The following DNAJC6 variants were observed in gnomAD, a reference collection of about 807,000 sequenced individuals.
DNAJC6 encodes the protein DnaJ heat shock protein family (Hsp40) member C6.
Under a neutral mutation model 110.0 loss-of-function variants are expected in DNAJC6, and 34 were observed. The observed-to-expected ratio is 0.31, with a 90% CI of 0.24 to 0.41. The LOEUF is 0.41. Ranked by LOEUF, DNAJC6 falls within the 10% of genes least tolerant of loss-of-function variation. The pLI is 1.00. For missense variants in DNAJC6, 1,031 were observed against 1,207.8 expected, an observed-to-expected ratio of 0.85 and a Z score of 2.17; for synonymous variants, 406 against 437.2, an observed-to-expected ratio of 0.93 and a Z score of 0.89.
At chr1:65,374,583 T>C (rs930595155) in intron 4 of DNAJC6, among the ~76,000 whole-genome samples, 1 of 152,196 alleles carries the variant, frequency 6.6e-6, no homozygotes, top group Non-Finnish European at 1.5e-5. Context: ...TTCAGATTGT[T>C]GGCTGTTAGT....
At chr1:65,308,753 T>G (rs1645067577), upstream of DNAJC6, among the ~76,000 whole-genome samples, 1 of 152,186 alleles carries the variant, frequency 6.6e-6, no homozygotes, top group Non-Finnish European at 1.5e-5. Context: ...ACTGAAACAG[T>G]CTTTTCTCCA....
At chr1:65,389,518 T>C in intron 10 of DNAJC6, 29 bp from the exon 11 acceptor site, 1 of 1,613,908 alleles carries the variant, frequency 6.2e-7, no homozygotes, top group Non-Finnish European at 8.5e-7. Context: ...TGTGTCTCAT[T>C]GATGCTACAT....
intron 1 of DNAJC6, among the ~76,000 whole-genome samples, chr1:65,336,531 C>T (rs918337265): frequency 1.3e-5 from 2 of 152,254 alleles, no homozygotes; most frequent in Non-Finnish European, 2.9e-5. Context: ...AACCCATGTC[C>T]CCATTACTCA....
At chr1:65,356,119 A>G (rs1246482894) in intron 1 of DNAJC6, among the ~76,000 whole-genome samples, 1 of 152,054 alleles carries the variant, frequency 6.6e-6, no homozygotes, top group East Asian at 1.9e-4. Flanking sequence ...GCCTTCTGTA[A>G]TGCCTAACCT....
intron 1 of DNAJC6, among the ~76,000 whole-genome samples, chr1:65,353,107 G>C (rs1645507464): frequency 6.6e-6 from 1 of 152,118 alleles, no homozygotes; most frequent in African/African-American, 2.4e-5. Context: ...CTGTTCCAGG[G>C]TGGTAATTAA....
intron 1 of DNAJC6, among the ~76,000 whole-genome samples, chr1:65,347,756 TACACACAC>T: frequency 6.6e-6 from 1 of 151,712 alleles, no homozygotes; most frequent in East Asian, 1.9e-4. Flanking sequence ...CGTGCACACA[TACACACAC>T]ACACAAAAAT....
At chr1:65,271,497 G>C (rs1653502750) in intron 1 of DNAJC6, among the ~76,000 whole-genome samples, 1 of 152,010 alleles carries the variant, frequency 6.6e-6, no homozygotes, top group African/African-American at 2.4e-5. Flanking sequence ...ACACACAAGT[G>C]AGATCATATG....
chr1:65,411,113 G>A (rs1646124733), intron 17 of DNAJC6, 137 bp from the exon 18 acceptor site: 1 of 728,808 alleles, frequency 1.4e-6, no homozygotes, highest in Non-Finnish European at 2.1e-6. Flanking sequence ...TCCAGGTAGA[G>A]GAAACAGCCT....
chr1:65,324,712 G>T (rs1376343414), intron 1 of DNAJC6, among the ~76,000 whole-genome samples: 1 of 152,172 alleles, frequency 6.6e-6, no homozygotes, highest in Non-Finnish European at 1.5e-5. Context: ...GTAAGGCAGT[G>T]GTTGTCAATG....
chr1:65,363,730 A>G (rs1320265819), intron 1 of DNAJC6, among the ~76,000 whole-genome samples: 2 of 152,154 alleles, frequency 1.3e-5, no homozygotes, highest in Non-Finnish European at 2.9e-5. Flanking sequence ...GCACAGGGAC[A>G]ACCCCCTCAA....
rs576686234 is a variant in DNAJC6 at position 65,343,951 on chromosome 1, C to T, written c.194-20684C>T. 1.2e-4 allele frequency among the ~76,000 whole-genome samples: 19 copies of T among 152,232 alleles called. No homozygotes were observed. In the East Asian group the frequency reaches 3.3e-3, roughly 26 times the overall value. On this transcript the variant is annotated intron_variant, in intron 1 of 18. Transcript: ENST00000371069. ...TGTGAGTGGAAGACATGAACAGAAACGTGTTCCAATTGATGGCAGTTGGGT... is the reference window on the plus strand; with the variant it reads ...TGTGAGTGGAAGACATGAACAGAAATGTGTTCCAATTGATGGCAGTTGGGT...
At chr1:65,359,791 A>G (rs758989990) in intron 1 of DNAJC6, among the ~76,000 whole-genome samples, 1 of 152,210 alleles carries the variant, frequency 6.6e-6, no homozygotes, top group African/African-American at 2.4e-5. Flanking sequence ...TGGCACTACT[A>G]TTTTAACTCT....
intron 1 of DNAJC6, among the ~76,000 whole-genome samples, chr1:65,339,809 C>A (rs899810007): frequency 6.6e-6 from 1 of 152,126 alleles, no homozygotes; most frequent in African/African-American, 2.4e-5. Flanking sequence ...AGATAATAGT[C>A]CCTCACCCCT....
intron 14 of DNAJC6, 29 bp from the exon 15 acceptor site, chr1:65,401,732 C>T (rs1345214141): frequency 1.3e-6 from 2 of 1,594,372 alleles, no homozygotes; most frequent in Non-Finnish European, 1.7e-6. Flanking sequence ...ACAACTAACT[C>T]ATTTTCAATG....
At chr1:65,370,699 T>C (rs1172763956) in intron 4 of DNAJC6, among the ~76,000 whole-genome samples, 1 of 152,248 alleles carries the variant, frequency 6.6e-6, no homozygotes, top group Non-Finnish European at 1.5e-5. Context: ...CTGGTTGTTT[T>C]AGGCTCTACC....
intron 1 of DNAJC6, among the ~76,000 whole-genome samples, chr1:65,297,324 A>C (rs144477851): frequency 6.6e-6 from 1 of 152,310 alleles, no homozygotes; most frequent in African/African-American, 2.4e-5. Flanking sequence ...GAAACCCTTG[A>C]ATAGTTTTAA....
At chr1:65,332,080 G>C (rs564094297) in intron 1 of DNAJC6, among the ~76,000 whole-genome samples, 1 of 152,152 alleles carries the variant, frequency 6.6e-6, no homozygotes, top group African/African-American at 2.4e-5. Flanking sequence ...CAGCTTTGCT[G>C]TGTCTGGTTA....
Position 65,356,768 on chromosome 1 carries a change from G to A in DNAJC6, c.194-7867G>A, listed in dbSNP as rs535847244. 5.9e-5 allele frequency among the ~76,000 whole-genome samples: 9 copies of A among 151,936 alleles called. No homozygotes were observed. In the South Asian group the frequency reaches 8.3e-4, roughly 14 times the overall value. On this transcript the variant is annotated intron_variant, in intron 1 of 18. Transcript: ENST00000371069. ...TTTATAGGGTGGGGAGTTGGTGGGG[G>A]GAAGGAGGCCTAGAGGAGTAAAATG...
chr1:65,296,898 T>C (rs1263642567), intron 1 of DNAJC6, among the ~76,000 whole-genome samples: 1 of 152,198 alleles, frequency 6.6e-6, no homozygotes, highest in African/African-American at 2.4e-5. Flanking sequence ...ATTCAGCACA[T>C]CTTTATCAGG....
Sources: gnomAD v4.1 joint callset for allele counts (sites outside exome capture counted in the v4.1 genomes callset) on GRCh38, gnomAD v4.1.1 for gene constraint, MANE v1.5 for transcripts, NCBI Gene and HGNC (gene_info 2026-07-23, HGNC 2026-07-21) for gene names.